PLA2G4E: variants seen among roughly 807,000 people sequenced by gnomAD.
PLA2G4E encodes phospholipase A2 group IVE, also known as cytosolic phospholipase A2 epsilon.
In PLA2G4E, 84 loss-of-function variants were observed where a neutral mutation model predicts 109.1. The observed-to-expected ratio is 0.77, with a 90% CI of 0.65 to 0.92. The LOEUF is 0.92. Ranked by LOEUF, PLA2G4E falls within the 40% of genes least tolerant of loss-of-function variation. The pLI, the probability that PLA2G4E is intolerant of heterozygous loss-of-function variation, is 0.00. For missense variants in PLA2G4E, 1,057 were observed against 1,076.6 expected (o/e 0.98, Z 0.25); for synonymous variants, 469 against 436.1 (o/e 1.08, Z -0.94).
chr15:41,995,769 A>G (rs1255690605), intron 11 of PLA2G4E, among the ~76,000 whole-genome samples: 1 of 152,210 alleles, frequency 6.6e-6, no homozygotes, highest in African/African-American at 2.4e-5. Flanking sequence ...TGGCTAGCAG[A>G]GTTCTTAGCA....
In PLA2G4E at chr15:41,990,077, C is replaced by A. The variant is rs182148576; in HGVS notation, c.1585+44G>T. ...TGGGTGCTTTTGCCCACCAAGAAGT[C>A]CCCCCCTCCACCCCACTTGTAAATC... On this transcript the variant is annotated intron_variant, in intron 14 of 19. Transcript: ENST00000399518. 4.2e-4 allele frequency: 641 copies of A among 1,516,112 alleles called. 5 individuals carry two copies. In the African/African-American group the frequency reaches 5.9e-3, roughly 14 times the overall value. 93.9% of individuals were successfully genotyped at this position (1,516,112 alleles called of 1,614,324 possible).
chr15:41,985,754 G>T, intron 18 of PLA2G4E, 85 bp downstream of exon 18: 1 of 1,466,270 alleles, frequency 6.8e-7, no homozygotes, highest in Admixed American at 2.0e-5. Context: ...CCTCTTCCCA[G>T]TTCACAGCGA....
intron 1 of PLA2G4E, among the ~76,000 whole-genome samples, chr15:42,039,536 C>T (rs1444259309): frequency 2.1e-5 from 3 of 143,780 alleles, no homozygotes; most frequent in South Asian, 2.1e-4. Context: ...TGTATGTGTA[C>T]GTATATATAT....
chr15:41,985,788 C>T (rs1030847403), intron 18 of PLA2G4E, 51 bp downstream of exon 18: 9 of 1,562,530 alleles, frequency 5.8e-6, no homozygotes, highest in Non-Finnish European at 7.8e-6. Context: ...CTGCGGGGCC[C>T]ATCTTAGGAG....
exon 13 of PLA2G4E, chr15:41,992,755 C>A (rs764410755): frequency 1.9e-6 from 3 of 1,612,406 alleles, no homozygotes; most frequent in Non-Finnish European, 2.5e-6. Context: ...CCAGGCAGGT[C>A]TCTATCAGCA....
At chr15:42,009,637 C>T (rs2068512611) in intron 2 of PLA2G4E, among the ~76,000 whole-genome samples, 3 of 152,174 alleles carry the variant, frequency 2.0e-5, no homozygotes, top group South Asian at 2.1e-4. Flanking sequence ...CCTGTGTGTG[C>T]GAGCATGTGT....
chr15:42,045,816 A>G (rs995335739), intron 1 of PLA2G4E, among the ~76,000 whole-genome samples: 1 of 152,136 alleles, frequency 6.6e-6, no homozygotes, highest in Non-Finnish European at 1.5e-5. Context: ...ATGATTTCAA[A>G]CAGATTTCCT....
Position 42,048,315 on chromosome 15 carries a change from G to C in PLA2G4E, c.183+2206C>G, listed in dbSNP as rs188879439. On this transcript the variant is annotated intron_variant, in intron 1 of 19. Transcript: ENST00000399518. ...TTGCAAAATGATGAAATTGCCTAAT[G>C]ATGCATTTCTCAGAACATGTCCCTG... Among the ~76,000 whole-genome samples the C allele has an allele frequency of 2.8e-4, 42 of 152,296 alleles. No homozygotes were observed. The East Asian group carries it at 7.9e-3, about 29-fold the overall frequency.
At chr15:42,048,029 G>A (rs1889444324) in intron 1 of PLA2G4E, among the ~76,000 whole-genome samples, 1 of 152,228 alleles carries the variant, frequency 6.6e-6, no homozygotes. Flanking sequence ...GTTATGCTCT[G>A]CATAATGACG....
intron 1 of PLA2G4E, among the ~76,000 whole-genome samples, chr15:42,029,704 T>A (rs1433242421): frequency 6.6e-6 from 1 of 152,224 alleles, no homozygotes; most frequent in African/African-American, 2.4e-5. Context: ...AGTTTATCCC[T>A]CTAAGCCTGA....
intron 18 of PLA2G4E, among the ~76,000 whole-genome samples, chr15:41,984,973 G>A (rs1693803129): frequency 6.6e-6 from 1 of 152,200 alleles, no homozygotes; most frequent in African/African-American, 2.4e-5. Flanking sequence ...GATGTGCATG[G>A]GCTTTGGAGC....
At chr15:42,031,167 C>T (rs1159150854) in intron 1 of PLA2G4E, among the ~76,000 whole-genome samples, 2 of 152,070 alleles carry the variant, frequency 1.3e-5, no homozygotes, top group African/African-American at 2.4e-5. Flanking sequence ...CGGGGTCTCA[C>T]TATGTTGCCC....
chr15:42,000,349 C>CA (rs1345639321), intron 7 of PLA2G4E, 67 bp from the exon 8 acceptor site: 38 of 1,426,040 alleles, frequency 2.7e-5, no homozygotes, highest in Non-Finnish European at 3.5e-5. Context: ...CTTGGTCCAG[C>CA]AAAAAACCTA....
intron 3 of PLA2G4E, among the ~76,000 whole-genome samples, chr15:42,006,679 C>G (rs2068480558): frequency 6.6e-6 from 1 of 152,198 alleles, no homozygotes; most frequent in Non-Finnish European, 1.5e-5. Flanking sequence ...CCCAAAGCAG[C>G]TACCTTGTCA....
chr15:42,021,890 T>C (rs2141066060), intron 1 of PLA2G4E, among the ~76,000 whole-genome samples: 1 of 152,296 alleles, frequency 6.6e-6, no homozygotes, highest in South Asian at 2.1e-4. Context: ...GATCTGAACA[T>C]GGGACAGACT....
chr15:42,023,082 T>A (rs1265705697), intron 1 of PLA2G4E, among the ~76,000 whole-genome samples: 1 of 151,958 alleles, frequency 6.6e-6, no homozygotes, highest in Non-Finnish European at 1.5e-5. Context: ...CACGCTTATG[T>A]ATGCAGGTGG....
At chr15:42,026,306 A>G (rs952271947) in intron 1 of PLA2G4E, among the ~76,000 whole-genome samples, 28 of 152,350 alleles carry the variant, frequency 1.8e-4, no homozygotes, top group Admixed American at 1.8e-3. Flanking sequence ...TGGCACCACA[A>G]GTCAATGGGA....
At chr15:42,004,310 G>A (rs200183371) in intron 5 of PLA2G4E, among the ~76,000 whole-genome samples, 5 of 140,192 alleles carry the variant, frequency 3.6e-5, no homozygotes, top group Non-Finnish European at 7.6e-5. Context: ...AAGAAAGAAA[G>A]GAAAGAAAAG....
chr15:42,001,056 G>T, intron 7 of PLA2G4E, 101 bp downstream of exon 7: 1 of 1,249,432 alleles, frequency 8.0e-7, no homozygotes, highest in South Asian at 1.3e-5. Context: ...TGGTCCCCCT[G>T]AGCCCAGGGA....
Sources: gnomAD v4.1 joint callset for allele counts (sites outside exome capture counted in the v4.1 genomes callset) on GRCh38, gnomAD v4.1.1 for gene constraint, MANE v1.5 for transcripts, NCBI Gene and HGNC (gene_info 2026-07-23, HGNC 2026-07-21) for gene names.